ZNF385D: variants seen among roughly 807,000 people sequenced by gnomAD.
ZNF385D encodes the protein zinc finger protein 385D.
ZNF385D carries 15 observed loss-of-function variants against 35.8 expected under a neutral mutation model. The ratio of observed to expected loss-of-function variants is 0.42; its 90% CI spans 0.28 to 0.64. The LOEUF is 0.64. ZNF385D is among the 30% of genes least tolerant of loss of function. The pLI is 0.23. For synonymous variants in ZNF385D, 212 were observed against 186.8 expected (o/e 1.13, Z -1.10); for missense variants, 474 against 494.6 (o/e 0.96, Z 0.39).
chr3:21,769,296 C>T (rs1488593223), intron 3 of ZNF385D, among the ~76,000 whole-genome samples: 3 of 80,080 alleles, frequency 3.7e-5, no homozygotes, highest in South Asian at 4.0e-4. Flanking sequence ...GTCAAATTGT[C>T]CCTGTTTTGC....
chr3:22,301,903 A>T (rs1164369769), intron 2 of ZNF385D, among the ~76,000 whole-genome samples: 1 of 152,042 alleles, frequency 6.6e-6, no homozygotes, highest in Non-Finnish European at 1.5e-5. Context: ...TTTGTAGTAT[A>T]TTGTGGTTTG....
At position 21,525,409 on chromosome 3, in the gene ZNF385D, C is replaced by T. The variant is rs545621131; in HGVS notation, c.277-14386G>A. The stretch of plus-strand genomic sequence containing the variant: ...AGTAAGAATTATTAAAATTTTGGGC[C>T]GGGCATGGTGGCTTATGCCTGTAAT... On this transcript the variant is annotated intron_variant, in intron 3 of 7. Coordinates refer to ENST00000281523, the MANE Select transcript of ZNF385D (RefSeq NM_024697.3). 5.3e-5 allele frequency among the ~76,000 whole-genome samples: 8 copies of T among 151,934 alleles called. No homozygotes were observed. In the East Asian group the frequency reaches 5.8e-4, roughly 11 times the overall value.
intron 2 of ZNF385D, among the ~76,000 whole-genome samples, chr3:22,358,547 G>T (rs2125507694): frequency 6.6e-6 from 1 of 151,852 alleles, no homozygotes; most frequent in East Asian, 1.9e-4. Flanking sequence ...TGTTTAGGCA[G>T]CACCAGGAGG....
intron 3 of ZNF385D, among the ~76,000 whole-genome samples, chr3:21,777,378 C>T (rs890386402): frequency 1.1e-4 from 17 of 151,884 alleles, no homozygotes; most frequent in African/African-American, 3.6e-4. Flanking sequence ...CTCTCTCTAC[C>T]GAGGTTGGGG....
In ZNF385D at chr3:21,998,859, C is replaced by T. The variant is rs377033647; in HGVS notation, c.325+169958G>A. ...ATACGCACACACATAGACACAGACA[C>T]ACACATGCTCACATGCACATACTGA... is the stretch of plus-strand genomic sequence containing the variant. On this transcript the variant is annotated intron_variant, in intron 3 of 5. Coordinates refer to the ZNF385D transcript ENST00000494108. Among the ~76,000 whole-genome samples the T allele has an allele frequency of 1.9e-4, 29 of 152,302 alleles. No homozygotes were observed. In the East Asian group the frequency reaches 5.2e-3, roughly 27 times the overall value.
chr3:22,368,464 T>C (rs1293878581), intron 2 of ZNF385D, among the ~76,000 whole-genome samples: 1 of 152,180 alleles, frequency 6.6e-6, no homozygotes, highest in African/African-American at 2.4e-5. Flanking sequence ...TATTCCAAAA[T>C]GGGAAGTGTC....
chr3:21,481,660 C>T (rs558115262), intron 4 of ZNF385D, among the ~76,000 whole-genome samples: 1 of 152,178 alleles, frequency 6.6e-6, no homozygotes, highest in African/African-American at 2.4e-5. Context: ...CCACAAAGTG[C>T]TGGGATTACA....
intron 3 of ZNF385D, among the ~76,000 whole-genome samples, chr3:21,903,034 G>C (rs1265829102): frequency 6.6e-6 from 1 of 152,030 alleles, no homozygotes; most frequent in African/African-American, 2.4e-5. Flanking sequence ...TGAGTTTCTG[G>C]CATGGTGATT....
intron 2 of ZNF385D, among the ~76,000 whole-genome samples, chr3:21,577,601 G>A (rs1361944318): frequency 1.3e-5 from 2 of 152,010 alleles, no homozygotes; most frequent in African/African-American, 2.4e-5. Context: ...TTTCCATAAC[G>A]GCTGTACTAA....
At chr3:21,967,758 A>T (rs904840830) in intron 3 of ZNF385D, among the ~76,000 whole-genome samples, 2 of 152,232 alleles carry the variant, frequency 1.3e-5, no homozygotes, top group Non-Finnish European at 2.9e-5. Context: ...TTGAGTGACC[A>T]AAATTCCAAT....
chr3:21,900,303 G>C (rs1699334489), intron 3 of ZNF385D, among the ~76,000 whole-genome samples: 1 of 152,064 alleles, frequency 6.6e-6, no homozygotes, highest in South Asian at 2.1e-4. Context: ...AATGTGAAAG[G>C]CAAATCAAAT....
intron 3 of ZNF385D, among the ~76,000 whole-genome samples, chr3:22,060,161 G>A (rs1699617353): frequency 6.6e-6 from 1 of 152,084 alleles, no homozygotes; most frequent in African/African-American, 2.4e-5. Flanking sequence ...TTTAAATTTG[G>A]ACTAAATTAC....
At chr3:22,201,225 A>T (rs1204174577) in intron 2 of ZNF385D, among the ~76,000 whole-genome samples, 2 of 152,154 alleles carry the variant, frequency 1.3e-5, no homozygotes, top group African/African-American at 4.8e-5. Context: ...TGAAATCTTC[A>T]CAATCCACGT....
At chr3:22,368,628 G>C (rs1283099842) in intron 2 of ZNF385D, among the ~76,000 whole-genome samples, 3 of 152,096 alleles carry the variant, frequency 2.0e-5, no homozygotes, top group Non-Finnish European at 4.4e-5. Flanking sequence ...TCTGCAGATG[G>C]CTATCTTCTT....
At chr3:21,422,278 GGTGCTGA>G (rs1700777567) in intron 7 of ZNF385D, among the ~76,000 whole-genome samples, 1 of 152,148 alleles carries the variant, frequency 6.6e-6, no homozygotes, top group Non-Finnish European at 1.5e-5. Context: ...TATGACTAGT[GGTGCTGA>G]AGCACTGTGC....
chr3:21,701,702 A>G (rs2067689368), intron 1 of ZNF385D, among the ~76,000 whole-genome samples: 1 of 152,168 alleles, frequency 6.6e-6, no homozygotes, highest in African/African-American at 2.4e-5. Flanking sequence ...GTTACTTCCT[A>G]GATACAATAG....
chr3:21,820,840 G>C (rs1231696493), intron 3 of ZNF385D, among the ~76,000 whole-genome samples: 1 of 150,864 alleles, frequency 6.6e-6, no homozygotes, highest in African/African-American at 2.4e-5. Context: ...AGAAGTCACC[G>C]AGACAGTAAA....
At chr3:22,177,309 A>G (rs1559430284) in intron 2 of ZNF385D, among the ~76,000 whole-genome samples, 1 of 152,240 alleles carries the variant, frequency 6.6e-6, no homozygotes, top group Admixed American at 6.5e-5. Flanking sequence ...AACAGCTTAC[A>G]TAAAACTTAA....
At chr3:21,696,271 C>G (rs1480065785) in intron 1 of ZNF385D, among the ~76,000 whole-genome samples, 1 of 152,202 alleles carries the variant, frequency 6.6e-6, no homozygotes, top group Non-Finnish European at 1.5e-5. Context: ...AGCCCTGACA[C>G]TTAGCAGGTG....
Sources: gnomAD v4.1 joint callset for allele counts (sites outside exome capture counted in the v4.1 genomes callset) on GRCh38, gnomAD v4.1.1 for gene constraint, MANE v1.5 for transcripts, NCBI Gene and HGNC (gene_info 2026-07-23, HGNC 2026-07-21) for gene names.